PTK7: variants seen among roughly 807,000 people sequenced by gnomAD.
PTK7 encodes the protein protein tyrosine kinase 7 (inactive).
Under a neutral mutation model 116.6 loss-of-function variants are expected in PTK7, and 39 were observed. That is an observed-to-expected ratio of 0.33 (90% confidence interval 0.26 to 0.44). The LOEUF (loss-of-function observed/expected upper bound fraction) is 0.44, where lower values mean the gene tolerates loss of function less well. Ranked by LOEUF, PTK7 falls within the 20% of genes least tolerant of loss-of-function variation. The pLI is 1.00. For synonymous variants in PTK7, 546 were observed against 563.6 expected, an observed-to-expected ratio of 0.97 and a Z score of 0.44; for missense variants, 1,169 against 1,425.6, an observed-to-expected ratio of 0.82 and a Z score of 2.90.
chr6:43,131,857 A>G, intron 5 of PTK7, 159 bp from the exon 6 acceptor site: 1 of 939,722 alleles, frequency 1.1e-6, no homozygotes, highest in Non-Finnish European at 1.6e-6. Flanking sequence ...GTATGCAGGC[A>G]CACACACCAG....
At position 43,159,805 on chromosome 6, in the gene PTK7, G is replaced by T. The variant is rs146766128; in HGVS notation, c.2891G>T (p.Arg964Leu). The change falls in exon 19 of 20, where the codon CGC becomes CTC. Residue 964 changes from arginine (R) to leucine (L), a missense_variant. Arg to Leu is a moderately radical substitution (Grantham distance 102). This residue lies in a region of PTK7 where 678 missense variants were observed against 853.8 expected (regional missense o/e 0.79). Coordinates refer to ENST00000230419, the MANE Select transcript of PTK7 (RefSeq NM_002821.5). ...DVYNSEYYHF[R>L]QAWVPLRWMS... ...TCCTGCAGTGAGTACTACCACTTCC[G>T]CCAGGCCTGGGTGCCGCTGCGCTGG... 23 of 1,614,090 alleles carry T rather than the reference G, an allele frequency of 1.4e-5. No individual in the cohort carries two copies. The highest frequency in any genetic ancestry group is 2.2e-5 in the South Asian group (2 of 91,094).
At position 43,130,305 on chromosome 6, in the gene PTK7, G is replaced by T; in HGVS notation, c.546G>T (p.Glu182Asp). ...GQSNHTVSSKERNLTLRPAGP... is the reference protein window; with the variant it reads ...GQSNHTVSSKDRNLTLRPAGP... ...GCAACCACACAGTCAGCAGCAAGGAGCGGAACCTGACGCTCCGGCCAGCTG... is the reference window on the plus strand; with the variant it reads ...GCAACCACACAGTCAGCAGCAAGGATCGGAACCTGACGCTCCGGCCAGCTG... The change falls in exon 4 of 20, where the codon GAG (glutamate) becomes GAT (aspartate). Residue 182 changes from glutamate (E) to aspartate (D), a missense_variant. Glu to Asp is a conservative substitution (Grantham distance 45). Around this residue, in one of 3 missense-constraint regions of PTK7, gnomAD observed 487 missense variants for 549.8 expected, o/e 0.89. Transcript: ENST00000230419. 1 of 1,612,340 alleles carries T rather than the reference G, an allele frequency of 6.2e-7. No individual in the cohort carries two copies. Among genetic ancestry groups the T allele is most frequent in the African/African-American group, 1.3e-5 (1 of 75,038 alleles).
At chr6:43,091,445 G>T (rs1365914153) in intron 1 of PTK7, among the ~76,000 whole-genome samples, 1 of 152,156 alleles carries the variant, frequency 6.6e-6, no homozygotes, top group East Asian at 1.9e-4. Context: ...GGGATTACAG[G>T]CGTGAGCCAC....
At chr6:43,127,192 G>T (rs979531333) in intron 1 of PTK7, among the ~76,000 whole-genome samples, 2 of 152,348 alleles carry the variant, frequency 1.3e-5, no homozygotes, top group African/African-American at 4.8e-5. Flanking sequence ...TTCTGCCCTT[G>T]CCCAGCCAGT....
chr6:43,139,743 G>A lies in PTK7; in HGVS notation c.1618+218G>A, dbSNP rs377361614. On this transcript the variant is annotated intron_variant, in intron 10 of 19. Coordinates refer to ENST00000230419, the MANE Select transcript of PTK7 (RefSeq NM_002821.5). The surrounding 1 kb of genome is among the most constrained non-coding windows in gnomAD (Gnocchi z 4.6). ...CATGGAAGACAACTCAAGGCAACAA[G>A]TGATTGGATTGGTTCAGACAGTGCT... Among the ~76,000 whole-genome samples, 15 of 152,362 alleles carry A rather than the reference G, an allele frequency of 9.8e-5. No individual in the cohort carries two copies. The East Asian group carries it at 1.3e-3, about 14-fold the overall frequency.
At position 43,111,853 on chromosome 6, in the gene PTK7, T is replaced by C. The variant is rs560665197; in HGVS notation, c.80-17124T>C. On this transcript the variant is annotated intron_variant, in intron 1 of 19. Transcript: ENST00000230419. ...CAGCTAATTCTTTTTTTTTTTTTTT[T>C]TAATATTTAGTAGAGATGAGGTCTT... is the stretch of plus-strand genomic sequence containing the variant. Among the ~76,000 whole-genome samples, 6 of 151,520 alleles carry C rather than the reference T, an allele frequency of 4.0e-5. No homozygotes were observed. The East Asian group carries it at 1.2e-3, about 29-fold the overall frequency.
chr6:43,105,123 T>TA (rs538210976), intron 1 of PTK7, among the ~76,000 whole-genome samples: 213 of 151,878 alleles, frequency 1.4e-3, no homozygotes, highest in African/African-American at 4.9e-3. Flanking sequence ...TTTTTTTTTT[T>TA]TAAAAAAACT....
chr6:43,160,411 C>T (rs1352483005), intron 19 of PTK7, among the ~76,000 whole-genome samples: 3 of 152,206 alleles, frequency 2.0e-5, no homozygotes, highest in Non-Finnish European at 4.4e-5. Context: ...AGCCACCACA[C>T]CTGGCCGAAA....
Position 43,156,748 on chromosome 6 carries a change from T to C in PTK7, c.2722-2069T>C, listed in dbSNP as rs184488013. 4.0e-5 allele frequency among the ~76,000 whole-genome samples: 6 copies of C among 151,768 alleles called. No individual in the cohort carries two copies. The East Asian group carries it at 1.2e-3, about 30-fold the overall frequency. On this transcript the variant is annotated intron_variant, in intron 17 of 19. Transcript: ENST00000230419. Reference sequence around the variant, plus strand: ...CCATCTCTACTGAAAATACAAAAATTAGCTAGGCGTGGTAGTGCGCGCCTG... The same window carrying C: ...CCATCTCTACTGAAAATACAAAAATCAGCTAGGCGTGGTAGTGCGCGCCTG...
intron 1 of PTK7, among the ~76,000 whole-genome samples, chr6:43,102,421 T>C (rs1348327663): frequency 1.3e-5 from 2 of 151,686 alleles, no homozygotes; most frequent in African/African-American, 4.8e-5. Flanking sequence ...CAAGACTCTG[T>C]CTCAAAGAAA....
chr6:43,092,897 G>C (rs1357560818), intron 1 of PTK7, among the ~76,000 whole-genome samples: 1 of 152,142 alleles, frequency 6.6e-6, no homozygotes, highest in East Asian at 1.9e-4. Flanking sequence ...ATCTGTGATG[G>C]TTATAACTGT....
At position 43,076,634 on chromosome 6, in the gene PTK7, G is replaced by A. The variant is rs531882520; in HGVS notation, c.79+67G>A. On this transcript the variant is annotated intron_variant, in intron 1 of 19. Transcript: ENST00000230419. This position sits in a 1 kb window ranked among gnomAD's most constrained non-coding sequence, Gnocchi z 5.7. ...GGGAGTCCCGTGGGCAAAAGGCTGCGCCCGGGGCGGTGGGTTTGGGCGGCT... is the reference window on the plus strand; with the variant it reads ...GGGAGTCCCGTGGGCAAAAGGCTGCACCCGGGGCGGTGGGTTTGGGCGGCT... 7.8e-5 allele frequency: 117 copies of A among 1,496,580 alleles called. No homozygotes were observed. In the African/African-American group the frequency reaches 1.3e-3, roughly 17 times the overall value. 92.7% of individuals were successfully genotyped at this position (1,496,580 alleles called of 1,614,324 possible). A position where few individuals can be genotyped will look rare whatever the true frequency, so the allele number is the denominator to read the frequency against.
intron 17 of PTK7, 86 bp from the exon 18 acceptor site, chr6:43,158,731 T>C: frequency 7.0e-7 from 1 of 1,431,252 alleles, no homozygotes; most frequent in Admixed American, 2.0e-5. Context: ...ACCAATAGTG[T>C]TGAAACGCTA....
chr6:43,096,553 C>T (rs1302812006), intron 1 of PTK7, among the ~76,000 whole-genome samples: 1 of 152,236 alleles, frequency 6.6e-6, no homozygotes, highest in Admixed American at 6.5e-5. Flanking sequence ...CCTGCTCACA[C>T]TTTCCTCTGC....
In PTK7 at chr6:43,129,700, T is replaced by A; in HGVS notation, c.368-27T>A. On this transcript the variant is annotated intron_variant, in intron 2 of 19. Transcript: ENST00000230419. This position sits in a 1 kb window ranked among gnomAD's most constrained non-coding sequence, Gnocchi z 4.5. ...TCCCGCCTTTGCCCTGCTCTGCCCC[T>A]CACTGCAACCGTGGCCTCTGCTACA... The A allele has an allele frequency of 6.2e-7, 1 of 1,606,342 alleles. No individual in the cohort carries two copies. The highest frequency in any genetic ancestry group is 8.5e-7 in the Non-Finnish European group (1 of 1,173,064).
intron 1 of PTK7, among the ~76,000 whole-genome samples, chr6:43,109,647 G>C (rs915654156): frequency 1.3e-5 from 2 of 151,764 alleles, no homozygotes; most frequent in African/African-American, 4.8e-5. Flanking sequence ...CATTTGATGG[G>C]TAGAACTCGT....
At chr6:43,116,651 T>TGTGTGCGCGCGCGCGCGCGCGC (rs1323606377) in intron 1 of PTK7, among the ~76,000 whole-genome samples, 3 of 77,214 alleles carry the variant, frequency 3.9e-5, no homozygotes, top group African/African-American at 1.9e-4. Context: ...TGTGTGTGTG[T>TGTGTGCGCGCGCGCGCGCGCGC]GCGCGCGCAC....
chr6:43,159,253 T>G (rs1251614728), intron 18 of PTK7, among the ~76,000 whole-genome samples: 1 of 152,226 alleles, frequency 6.6e-6, no homozygotes, highest in Non-Finnish European at 1.5e-5. Context: ...TATAATCTAT[T>G]TATATGGCTC....
chr6:43,122,997 T>C (rs1446196196), intron 1 of PTK7, among the ~76,000 whole-genome samples: 1 of 152,112 alleles, frequency 6.6e-6, no homozygotes, highest in Non-Finnish European at 1.5e-5. Flanking sequence ...ATCCTGCAAT[T>C]ATTCACACAG....
Sources: allele counts gnomAD v4.1 joint callset (sites outside exome capture counted in the v4.1 genomes callset), GRCh38; gene constraint gnomAD v4.1.1; regional missense constraint gnomAD v4.1.1; non-coding constraint Gnocchi (gnomAD v3.1); transcripts MANE v1.5; gene names NCBI Gene and HGNC (gene_info 2026-07-23, HGNC 2026-07-21).